PTPRM: variants seen among roughly 807,000 people sequenced by gnomAD.
PTPRM encodes receptor-type tyrosine-protein phosphatase mu.
In PTPRM, 47 loss-of-function variants were observed where a neutral mutation model predicts 186.7. The observed-to-expected ratio is 0.25, with a 90% CI of 0.20 to 0.32. PTPRM has a LOEUF of 0.32. PTPRM is among the 10% of genes least tolerant of loss of function. The probability of loss-of-function intolerance (pLI) is 1.00; values close to 1 mark genes in which losing one functional copy is unlikely to be tolerated. For synonymous variants in PTPRM, 668 were observed against 674.9 expected (o/e 0.99, Z 0.16); for missense variants, 1,494 against 1,865.0 (o/e 0.80, Z 3.66).
At position 8,076,504 on chromosome 18, in the gene PTPRM, G is replaced by C; in HGVS notation, c.1491G>C (p.Glu497Asp). The C allele has an allele frequency of 2.5e-6, 4 of 1,610,366 alleles. No individual in the cohort carries two copies. Among genetic ancestry groups the C allele is most frequent in the Non-Finnish European group, 3.4e-6 (4 of 1,177,424 alleles). Residue 497 changes from glutamate (E) to aspartate (D), a missense_variant, in exon 9 of 33, where the codon GAG (glutamate) becomes GAC (aspartate). By Grantham distance (45) the Glu-to-Asp change is conservative. Transcript: ENST00000580170. ...TESIQGSTFE[E>D]KIFLQWREPT... Reference sequence around the variant, plus strand: ...CCATACAAGGAAGTACCTTTGAAGAGAAGATATTTCTTCAGTGGAGAGAAC... The same window carrying C: ...CCATACAAGGAAGTACCTTTGAAGACAAGATATTTCTTCAGTGGAGAGAAC...
intron 19 of PTPRM, among the ~76,000 whole-genome samples, chr18:8,266,384 C>T (rs565298132): frequency 7.1e-5 from 10 of 140,676 alleles, no homozygotes; most frequent in African/African-American, 1.9e-4. Flanking sequence ...AAAAAAGAAT[C>T]GTGAATGATA....
At chr18:8,185,495 A>G (rs1342360360) in intron 14 of PTPRM, among the ~76,000 whole-genome samples, 3 of 152,238 alleles carry the variant, frequency 2.0e-5, no homozygotes, top group African/African-American at 7.2e-5. Flanking sequence ...TGCCCTGACC[A>G]GCCTGCCTCC....
intron 14 of PTPRM, among the ~76,000 whole-genome samples, chr18:8,195,094 C>A (rs924763879): frequency 6.6e-6 from 1 of 151,704 alleles, no homozygotes; most frequent in Non-Finnish European, 1.5e-5. Context: ...ACACTTTGGC[C>A]AGGAGTACTG....
intron 7 of PTPRM, among the ~76,000 whole-genome samples, chr18:8,032,527 T>C (rs1429194735): frequency 6.6e-6 from 1 of 152,138 alleles, no homozygotes; most frequent in Non-Finnish European, 1.5e-5. Flanking sequence ...TTTAGAGATG[T>C]CAGTTCTCCC....
intron 7 of PTPRM, among the ~76,000 whole-genome samples, chr18:7,956,150 G>A (rs60950392): frequency 0.029 from 4,448 of 152,248 alleles, 144 homozygotes; most frequent in African/African-American, 0.076. Flanking sequence ...ATATTTAAGT[G>A]CTCTTTTGTC....
chr18:8,327,722 G>A (rs1380137882), intron 22 of PTPRM, among the ~76,000 whole-genome samples: 2 of 152,116 alleles, frequency 1.3e-5, no homozygotes, highest in Non-Finnish European at 2.9e-5. Context: ...TCAAGTTAAG[G>A]GCTGGTCAGC....
At chr18:8,347,289 A>G (rs373180579) in intron 23 of PTPRM, among the ~76,000 whole-genome samples, 1 of 152,236 alleles carries the variant, frequency 6.6e-6, no homozygotes, top group Non-Finnish European at 1.5e-5. Flanking sequence ...ATAAAGGCAC[A>G]TGTATTTTTT....
At chr18:7,681,760 T>C (rs1056614720) in intron 1 of PTPRM, among the ~76,000 whole-genome samples, 1 of 152,186 alleles carries the variant, frequency 6.6e-6, no homozygotes, top group African/African-American at 2.4e-5. Flanking sequence ...GTTCTAACAT[T>C]ATTTTTTTCA....
chr18:7,586,476 T>A (rs2143570603), intron 1 of PTPRM, among the ~76,000 whole-genome samples: 1 of 152,146 alleles, frequency 6.6e-6, no homozygotes, highest in African/African-American at 2.4e-5. Context: ...GAGATTATAT[T>A]ATAATATAAA....
At chr18:7,950,893 C>T (rs2052905362) in intron 6 of PTPRM, among the ~76,000 whole-genome samples, 2 of 152,170 alleles carry the variant, frequency 1.3e-5, no homozygotes, top group Admixed American at 1.3e-4. Context: ...GTTATAAAAC[C>T]TCCAATGAGT....
chr18:7,649,643 G>A (rs2038647834), intron 1 of PTPRM, among the ~76,000 whole-genome samples: 1 of 152,046 alleles, frequency 6.6e-6, no homozygotes, highest in South Asian at 2.1e-4. Context: ...AGATGGTGTA[G>A]TTACCCGGGA....
At chr18:8,306,625 T>C (rs1194384239) in intron 20 of PTPRM, among the ~76,000 whole-genome samples, 2 of 152,222 alleles carry the variant, frequency 1.3e-5, no homozygotes, top group Non-Finnish European at 2.9e-5. Context: ...ACCACAAAAC[T>C]GATTGAATTC....
intron 4 of PTPRM, among the ~76,000 whole-genome samples, chr18:7,916,305 C>T (rs2050552794): frequency 6.6e-6 from 1 of 152,182 alleles, no homozygotes; most frequent in Admixed American, 6.5e-5. Context: ...CATAGATGAA[C>T]ACACCTTTAG....
At chr18:8,105,595 C>T (rs1039186626) in intron 11 of PTPRM, among the ~76,000 whole-genome samples, 2 of 152,176 alleles carry the variant, frequency 1.3e-5, no homozygotes, top group Admixed American at 1.3e-4. Context: ...CCTTCCCTCC[C>T]CTACTTTTCA....
At chr18:7,830,990 C>T (rs2045734039) in intron 2 of PTPRM, among the ~76,000 whole-genome samples, 1 of 152,078 alleles carries the variant, frequency 6.6e-6, no homozygotes, top group Non-Finnish European at 1.5e-5. Flanking sequence ...ATGTTGAGGG[C>T]AGTGAGAAGA....
intron 7 of PTPRM, among the ~76,000 whole-genome samples, chr18:7,972,449 C>G (rs2054596328): frequency 5.4e-5 from 1 of 18,514 alleles, no homozygotes; most frequent in East Asian, 1.4e-3. Context: ...TACCCTAAAA[C>G]TTAAAGTATA....
At chr18:8,085,196 A>G (rs1335480313) in intron 9 of PTPRM, among the ~76,000 whole-genome samples, 1 of 152,070 alleles carries the variant, frequency 6.6e-6, no homozygotes, top group Non-Finnish European at 1.5e-5. Flanking sequence ...GATTCCAGTC[A>G]TTGGAGCAGA....
intron 7 of PTPRM, among the ~76,000 whole-genome samples, chr18:7,995,305 GC>G (rs903543162): frequency 2.6e-5 from 4 of 152,012 alleles, no homozygotes; most frequent in African/African-American, 9.7e-5. Context: ...ACAAAGAAAA[GC>G]CCAGGATCAG....
intron 7 of PTPRM, among the ~76,000 whole-genome samples, chr18:8,034,336 C>T (rs978226671): frequency 6.6e-6 from 1 of 152,010 alleles, no homozygotes. Flanking sequence ...GTCCAAAATC[C>T]CATTTAAATA....
Sources: gnomAD v4.1 joint callset for allele counts (sites outside exome capture counted in the v4.1 genomes callset) on GRCh38, gnomAD v4.1.1 for gene constraint, MANE v1.5 for transcripts, NCBI Gene and HGNC (gene_info 2026-07-23, HGNC 2026-07-21) for gene names.